The following ADAMTS14 variants were observed in gnomAD, a reference collection of about 807,000 sequenced individuals.
The protein encoded by ADAMTS14 is ADAM metallopeptidase with thrombospondin type 1 motif 14.
In ADAMTS14, 100 loss-of-function variants were observed where a neutral mutation model predicts 128.6. The ratio of observed to expected loss-of-function variants is 0.78; its 90% CI spans 0.66 to 0.92. The LOEUF is 0.92. Ranked by LOEUF, ADAMTS14 falls within the 40% of genes least tolerant of loss-of-function variation. The pLI, the probability that ADAMTS14 is intolerant of heterozygous loss-of-function variation, is 0.00. For synonymous variants in ADAMTS14, 665 were observed against 653.8 expected, an observed-to-expected ratio of 1.02 and a Z score of -0.26; for missense variants, 1,562 against 1,658.6, an observed-to-expected ratio of 0.94 and a Z score of 1.01.
chr10:70,700,996 C>G (rs1840477176), intron 2 of ADAMTS14, among the ~76,000 whole-genome samples: 1 of 152,198 alleles, frequency 6.6e-6, no homozygotes, highest in Admixed American at 6.5e-5. Flanking sequence ...TCCAATAATG[C>G]CATTTGTCCC....
intron 2 of ADAMTS14, among the ~76,000 whole-genome samples, chr10:70,695,755 A>G (rs377152620): frequency 6.6e-6 from 1 of 152,202 alleles, no homozygotes; most frequent in African/African-American, 2.4e-5. Context: ...GTCTCTATCA[A>G]GGAGGCTGTT....
rs529954303 is a variant in ADAMTS14, at chr10:70,748,178, C to T, written c.2264-1644C>T. ...GCTTTGCAGTTAAAGGAAACTGAGG[C>T]TCAGAGAGAGGTTAGATACAGAACA... On this transcript the variant is annotated intron_variant, in intron 15 of 21. Coordinates refer to ENST00000373207, the MANE Select transcript of ADAMTS14 (RefSeq NM_080722.4). Among the ~76,000 whole-genome samples, 29 of 152,324 alleles carry T rather than the reference C, an allele frequency of 1.9e-4. No homozygotes were observed. The South Asian group carries it at 6.0e-3, about 32-fold the overall frequency.
At chr10:70,702,957 T>C (rs574141007) in intron 3 of ADAMTS14, among the ~76,000 whole-genome samples, 5 of 152,306 alleles carry the variant, frequency 3.3e-5, no homozygotes, top group Non-Finnish European at 5.9e-5. Context: ...CCTAGCAAGT[T>C]ACCTAAGATT....
intron 4 of ADAMTS14, among the ~76,000 whole-genome samples, chr10:70,709,495 G>GT (rs746940189): frequency 0.26 from 26,199 of 98,996 alleles, 5,810 homozygotes; most frequent in Admixed American, 0.31. Flanking sequence ...AACATTTCCA[G>GT]TTTTTTTTTT....
chr10:70,674,559 T>A lies in ADAMTS14; in HGVS notation c.86T>A (p.Leu29Gln), dbSNP rs773980309. The change falls in exon 2 of 22, where the codon CTG becomes CAG. Residue 29 changes from leucine to glutamine, a missense_variant. By Grantham distance (113) the Leu-to-Gln change is moderately radical. Transcript: ENST00000373207. Reference sequence around the variant, plus strand: ...ACTCTTTGTTTACCTCCAACAGAGCTGCACCTCTCTGGAAAGCTCAGTGAC... The same window carrying A: ...ACTCTTTGTTTACCTCCAACAGAGCAGCACCTCTCTGGAAAGCTCAGTGAC... ...CAAAGSRTPE[L>Q]HLSGKLSDYG... The A allele has an allele frequency of 6.2e-7, 1 of 1,609,962 alleles. No individual in the cohort carries two copies. Among genetic ancestry groups the A allele is most frequent in the South Asian group, 1.1e-5 (1 of 90,900 alleles).
At position 70,672,919 on chromosome 10, in the gene ADAMTS14, G is replaced by A. The variant is rs766701078; in HGVS notation, c.82+35G>A. On this transcript the variant is annotated intron_variant, in intron 1 of 21. Transcript: ENST00000373207. ...GGTTGGGCGCGCGGGGGCCCGTGGG[G>A]TCCGGGGTGCACGCGGTCAGGGTGG... 4.8e-5 allele frequency: 68 copies of A among 1,419,328 alleles called. 2 individuals are homozygous for A. In the South Asian group the frequency reaches 1.0e-3, roughly 21 times the overall value. The allele number at this position is 1,419,328 out of a possible 1,614,324, so 87.9% of individuals were successfully genotyped here.
In ADAMTS14 at chr10:70,751,516, G is replaced by C. The variant is rs1275273609; in HGVS notation, c.2466G>C (p.Leu822=). Residue 822 remains leucine (L), a synonymous_variant, in exon 17 of 22, where the codon CTG becomes CTC. Transcript: ENST00000373207. ...CTGAGGGTGGCCCCCGCAGCAGCCT[G>C]GCCTACAAGTACGTCATCCATGAGG... The part of the protein sequence containing the change: ...PPTEGGPRSS[L]AYKYVIHEDL... 2 of 1,612,344 alleles carry C rather than the reference G, an allele frequency of 1.2e-6. No homozygotes were observed. Among genetic ancestry groups the C allele is most frequent in the Non-Finnish European group, 1.7e-6 (2 of 1,178,544 alleles).
chr10:70,705,416 G>A (rs1055781283), intron 3 of ADAMTS14, among the ~76,000 whole-genome samples: 4 of 152,242 alleles, frequency 2.6e-5, no homozygotes, highest in African/African-American at 7.2e-5. Context: ...TGCCAGGGCC[G>A]CCAGCCGGGC....
chr10:70,755,077 G>A (rs1842448840), intron 19 of ADAMTS14, among the ~76,000 whole-genome samples: 1 of 152,014 alleles, frequency 6.6e-6, no homozygotes. Context: ...AGGCTGATGT[G>A]GGTGGATTGC....
rs1842599489 is a variant in ADAMTS14, at chr10:70,760,928, A to G, written c.*75A>G. On this transcript the variant is annotated 3_prime_UTR_variant, in exon 22 of 22. Coordinates refer to ENST00000373207, the MANE Select transcript of ADAMTS14 (RefSeq NM_080722.4). ...GTGACTCCCAGCTCAGAGGACACAC[A>G]TAGCAGGGCAGGCGCAAGCACAGAC... The G allele has an allele frequency of 6.7e-7, 1 of 1,483,162 alleles. No homozygotes were observed. Among genetic ancestry groups the G allele is most frequent in the South Asian group, 1.4e-5 (1 of 71,292 alleles). 91.9% of individuals were successfully genotyped at this position (1,483,162 alleles called of 1,614,324 possible).
chr10:70,735,371 C>G (rs1295864994), intron 9 of ADAMTS14, 70 bp downstream of exon 9: 2 of 1,569,510 alleles, frequency 1.3e-6, no homozygotes, highest in South Asian at 1.2e-5. Context: ...CCCATGCTGA[C>G]CATTCATGAG....
chr10:70,741,858 C>T (rs1482234649), intron 12 of ADAMTS14, among the ~76,000 whole-genome samples: 1 of 152,150 alleles, frequency 6.6e-6, no homozygotes, highest in Non-Finnish European at 1.5e-5. Context: ...GGTTGGGATT[C>T]GTGGCAAGTC....
chr10:70,747,690 C>T (rs1195558377), intron 15 of ADAMTS14, among the ~76,000 whole-genome samples: 5 of 152,152 alleles, frequency 3.3e-5, no homozygotes, highest in Non-Finnish European at 5.9e-5. Flanking sequence ...AGGCCGAGTG[C>T]GGGCTTGCTT....
Position 70,702,197 on chromosome 10 carries a change from G to A in ADAMTS14, c.523-115G>A, listed in dbSNP as rs541493282. On this transcript the variant is annotated intron_variant, in intron 2 of 21. Coordinates refer to ENST00000373207, the MANE Select transcript of ADAMTS14 (RefSeq NM_080722.4). ...GGCTCCTCAAGGTCCTGGAGGAAGA[G>A]CCTGCAAGCATGTAGGGTCACATAT... The A allele has an allele frequency of 9.7e-6, 14 of 1,450,180 alleles. No homozygotes were observed. The East Asian group carries it at 3.0e-4, about 32-fold the overall frequency. 89.8% of individuals were successfully genotyped at this position (1,450,180 alleles called of 1,614,324 possible).
rs751476535 is a variant in ADAMTS14, at chr10:70,741,082, C to T, written c.1844C>T (p.Ala615Val). The T allele has an allele frequency of 1.2e-6, 2 of 1,613,972 alleles. No individual in the cohort carries two copies. The highest frequency in any genetic ancestry group is 2.2e-5 in the South Asian group (2 of 91,084). Residue 615 changes from alanine to valine, a missense_variant, in exon 12 of 22, where the codon GCC (alanine) becomes GTC (valine). Coordinates refer to ENST00000373207, the MANE Select transcript of ADAMTS14 (RefSeq NM_080722.4). ...CCTGGGACCTACGAGGACTTCCGGG[C>T]CCAGCAGTGTGCCAAGCGCAACTCC... ...ECPGTYEDFR[A>V]QQCAKRNSYY...
At chr10:70,756,581 G>T (rs1842483776) in intron 19 of ADAMTS14, among the ~76,000 whole-genome samples, 1 of 152,208 alleles carries the variant, frequency 6.6e-6, no homozygotes, top group African/African-American at 2.4e-5. Flanking sequence ...CAAAGGAAAG[G>T]TTGGGGGTTT....
At chr10:70,728,708 G>A (rs943821368) in intron 4 of ADAMTS14, among the ~76,000 whole-genome samples, 1 of 152,194 alleles carries the variant, frequency 6.6e-6, no homozygotes, top group Non-Finnish European at 1.5e-5. Context: ...CAGTCAGCTG[G>A]GGATCTTGTT....
chr10:70,683,085 C>T (rs1045669643), intron 2 of ADAMTS14, among the ~76,000 whole-genome samples: 1 of 152,248 alleles, frequency 6.6e-6, no homozygotes, highest in Non-Finnish European at 1.5e-5. Context: ...ATTTGCCCTC[C>T]TGCGCCCTGG....
chr10:70,738,502 ATTGTGTCTTCTC>A, intron 10 of ADAMTS14, among the ~76,000 whole-genome samples: 1 of 152,276 alleles, frequency 6.6e-6, no homozygotes, highest in Middle Eastern at 3.4e-3. Flanking sequence ...GTGTGGGAAG[ATTGTGTCTTCTC>A]TCCCCTATCA....
Sources: gnomAD v4.1 joint callset for allele counts (sites outside exome capture counted in the v4.1 genomes callset) on GRCh38, gnomAD v4.1.1 for gene constraint, MANE v1.5 for transcripts, NCBI Gene and HGNC (gene_info 2026-07-23, HGNC 2026-07-21) for gene names.